CELF4: variants seen among roughly 807,000 people sequenced by gnomAD.
CELF4 encodes CUGBP Elav-like family member 4.
Under a neutral mutation model 59.9 loss-of-function variants are expected in CELF4, and 18 were observed. The ratio of observed to expected loss-of-function variants is 0.30; its 90% confidence interval spans 0.21 to 0.45. The LOEUF is 0.45. Ranked by LOEUF, CELF4 falls within the 20% of genes least tolerant of loss-of-function variation. CELF4 has a pLI of 1.00. For missense variants in CELF4, 456 were observed against 689.0 expected, an observed-to-expected ratio of 0.66 and a Z score of 3.79; for synonymous variants, 261 against 267.1, an observed-to-expected ratio of 0.98 and a Z score of 0.22.
At chr18:37,493,025 T>G (rs2099911466) in intron 1 of CELF4, among the ~76,000 whole-genome samples, 1 of 152,206 alleles carries the variant, frequency 6.6e-6, no homozygotes, top group Non-Finnish European at 1.5e-5. Context: ...CACCTGGATC[T>G]TCTTCCCTCT....
At chr18:37,506,065 C>T (rs1440716195) in intron 1 of CELF4, among the ~76,000 whole-genome samples, 6 of 146,624 alleles carry the variant, frequency 4.1e-5, no homozygotes, top group Non-Finnish European at 9.0e-5. Context: ...TCTCCCCCCT[C>T]CCCTCCCACC....
At chr18:37,286,129 A>G (rs2094732888) in intron 3 of CELF4, among the ~76,000 whole-genome samples, 1 of 152,078 alleles carries the variant, frequency 6.6e-6, no homozygotes, top group South Asian at 2.1e-4. Flanking sequence ...GGAGGAGGAC[A>G]GGGTGGTCTA....
At chr18:37,429,904 C>A (rs572128848) in intron 2 of CELF4, among the ~76,000 whole-genome samples, 1 of 152,294 alleles carries the variant, frequency 6.6e-6, no homozygotes, top group East Asian at 1.9e-4. Context: ...CACACACCTG[C>A]ACTTCCTGCC....
intron 1 of CELF4, among the ~76,000 whole-genome samples, chr18:37,514,983 A>C (rs1210117830): frequency 6.6e-6 from 1 of 152,224 alleles, no homozygotes; most frequent in Non-Finnish European, 1.5e-5. Flanking sequence ...AAAATGCCCC[A>C]TTTCCCTGTT....
At chr18:37,555,199 G>T (rs2099984399) in intron 1 of CELF4, among the ~76,000 whole-genome samples, 2 of 152,172 alleles carry the variant, frequency 1.3e-5, no homozygotes, top group Non-Finnish European at 2.9e-5. Context: ...ACACAGCGGG[G>T]GCAAGCATGC....
At chr18:37,502,096 C>T (rs2099932523) in intron 1 of CELF4, among the ~76,000 whole-genome samples, 2 of 152,266 alleles carry the variant, frequency 1.3e-5, no homozygotes, top group South Asian at 4.2e-4. Flanking sequence ...CTGAGCTGCC[C>T]GCTTCGTCTG....
chr18:37,452,637 C>T (rs2099767273), intron 2 of CELF4, among the ~76,000 whole-genome samples: 1 of 152,146 alleles, frequency 6.6e-6, no homozygotes, highest in Non-Finnish European at 1.5e-5. Context: ...CCCACCATGT[C>T]CCCAGGTCTG....
chr18:37,353,353 C>T (rs73427266), intron 2 of CELF4, among the ~76,000 whole-genome samples: 203 of 151,776 alleles, frequency 1.3e-3, no homozygotes, highest in African/African-American at 4.7e-3. Flanking sequence ...TCAGCAATCC[C>T]AGGGGTCAGC....
Position 37,452,235 on chromosome 18 carries a change from T to C in CELF4, c.369+33290A>G, listed in dbSNP as rs1304508117. 2.0e-5 allele frequency among the ~76,000 whole-genome samples: 3 copies of C among 152,346 alleles called. No homozygotes were observed. In the East Asian group the frequency reaches 5.8e-4, roughly 29 times the overall value. On this transcript the variant is annotated intron_variant, in intron 2 of 12. Coordinates refer to ENST00000420428, the MANE Select transcript of CELF4 (RefSeq NM_020180.4). The stretch of plus-strand genomic sequence containing the variant: ...CAGGAGTAATAACAGCTACTGCTTA[T>C]TAAGTGGCTGCCACATGCCAGGTGC...
intron 1 of CELF4, among the ~76,000 whole-genome samples, chr18:37,537,258 C>A (rs1017428788): frequency 3.3e-5 from 5 of 152,152 alleles, no homozygotes; most frequent in Admixed American, 2.6e-4. Flanking sequence ...GTTCTCAGAG[C>A]AGGAAGAAGA....
At chr18:37,431,753 G>T (rs921244078) in intron 2 of CELF4, among the ~76,000 whole-genome samples, 1 of 152,166 alleles carries the variant, frequency 6.6e-6, no homozygotes, top group Non-Finnish European at 1.5e-5. Flanking sequence ...CCTGGCAGTT[G>T]AGCACAGGAC....
chr18:37,270,855 C>T lies in CELF4; in HGVS notation c.1012G>A (p.Val338Met), dbSNP rs146847221. The T allele has an allele frequency of 2.7e-3, 4,317 of 1,613,668 alleles. 5 individuals are homozygous for T. Among genetic ancestry groups the T allele is most frequent in the Non-Finnish European group, 3.3e-3 (3,933 of 1,179,930 alleles). ...AVPSIPSPIGVNGFTGLPPQA... is the reference protein window; with the variant it reads ...AVPSIPSPIGMNGFTGLPPQA... ...GGGGGGAGGCCGGTGAAGCCATTCACCCCAATGGGGGATGGGATGCTAGGC... is the reference window on the plus strand; with the variant it reads ...GGGGGGAGGCCGGTGAAGCCATTCATCCCAATGGGGGATGGGATGCTAGGC... The change falls in exon 8 of 13, where the codon GTG becomes ATG. Residue 338 changes from valine (V) to methionine (M), a missense_variant. Physicochemically the swap from Val to Met is conservative, Grantham distance 21 (BLOSUM62 1). This residue lies in a region of CELF4 where 256 missense variants were observed against 340.8 expected (regional missense o/e 0.75). Transcript: ENST00000420428.
At chr18:37,410,687 G>A (rs1459355360) in intron 2 of CELF4, among the ~76,000 whole-genome samples, 2 of 152,216 alleles carry the variant, frequency 1.3e-5, no homozygotes, top group East Asian at 3.9e-4. Context: ...ATCGCATATT[G>A]TATGCCTGTG....
chr18:37,389,097 CAG>C (rs2099129919), intron 2 of CELF4, among the ~76,000 whole-genome samples: 1 of 152,146 alleles, frequency 6.6e-6, no homozygotes, highest in Admixed American at 6.5e-5. Context: ...AGAAGAAACA[CAG>C]AGGAAATGAG....
At chr18:37,508,787 G>C (rs1281952350) in intron 1 of CELF4, among the ~76,000 whole-genome samples, 3 of 152,226 alleles carry the variant, frequency 2.0e-5, no homozygotes, top group Non-Finnish European at 4.4e-5. Flanking sequence ...AGCAGGAGGG[G>C]TGGTGGAAGC....
chr18:37,339,344 G>A (rs1002501233), intron 2 of CELF4, among the ~76,000 whole-genome samples: 10 of 152,296 alleles, frequency 6.6e-5, no homozygotes, highest in South Asian at 2.1e-4. Flanking sequence ...CTTGGCTTGC[G>A]CCTGGAGGAA....
rs181273754 is a variant in CELF4 at position 37,445,907 on chromosome 18, C to G, written c.369+39618G>C. 1.6e-3 allele frequency among the ~76,000 whole-genome samples: 251 copies of G among 152,294 alleles called. 1 individual carries two copies. Among genetic ancestry groups the G allele is most frequent in the African/African-American group, 4.9e-3 (205 of 41,568 alleles). On this transcript the variant is annotated intron_variant, in intron 2 of 12. Coordinates refer to ENST00000420428, the MANE Select transcript of CELF4 (RefSeq NM_020180.4). Reference sequence around the variant, plus strand: ...CATCCTCCTCCTCCTTATCATCTACCCTTTGAGTATCTACGCTATGCCAGG... The same window carrying G: ...CATCCTCCTCCTCCTTATCATCTACGCTTTGAGTATCTACGCTATGCCAGG...
At chr18:37,353,055 A>G (rs1603625468) in intron 2 of CELF4, among the ~76,000 whole-genome samples, 2 of 152,026 alleles carry the variant, frequency 1.3e-5, no homozygotes, top group African/African-American at 4.8e-5. Flanking sequence ...CCCTGTCTCT[A>G]CTAAAAATAC....
Position 37,254,014 on chromosome 18 carries a change from G to A in CELF4, c.1334-76C>T, listed in dbSNP as rs2067313960. ...GCGCTGCCGGCGGGGAGGGGTCGGG[G>A]GACAGGGGGGCGGGGCGGGCCTGAG... On this transcript the variant is annotated intron_variant, in intron 11 of 12. Transcript: ENST00000420428. The surrounding 1 kb of genome is among the most constrained non-coding windows in gnomAD (Gnocchi z 5.1). 3.2e-6 allele frequency: 3 copies of A among 946,610 alleles called. No homozygotes were observed. Among genetic ancestry groups the A allele is most frequent in the Non-Finnish European group, 4.5e-6 (3 of 670,478 alleles). The allele number at this position is 946,610 out of a possible 1,614,324, so 58.6% of individuals were successfully genotyped here. A position where few individuals can be genotyped will look rare whatever the true frequency, so the allele number is the denominator to read the frequency against.
Sources: gnomAD v4.1 joint callset for allele counts (sites outside exome capture counted in the v4.1 genomes callset) on GRCh38, gnomAD v4.1.1 for gene constraint, gnomAD v4.1.1 regional missense constraint, Gnocchi (gnomAD v3.1) non-coding constraint, MANE v1.5 for transcripts, NCBI Gene and HGNC (gene_info 2026-07-23, HGNC 2026-07-21) for gene names.